PRKG1: variants seen among roughly 807,000 people sequenced by gnomAD.
PRKG1 encodes the protein protein kinase cGMP-dependent 1.
A neutral mutation model predicts 88.1 loss-of-function variants in PRKG1; 35 were observed. The ratio of observed to expected loss-of-function variants is 0.40; its 90% CI spans 0.30 to 0.53. The LOEUF (loss-of-function observed/expected upper bound fraction) is 0.53, where lower values mean the gene tolerates loss of function less well. Ranked by LOEUF, PRKG1 falls within the 20% of genes least tolerant of loss-of-function variation. The probability of loss-of-function intolerance (pLI) is 0.59; values close to 1 mark genes in which losing one functional copy is unlikely to be tolerated. For synonymous variants in PRKG1, 303 were observed against 292.5 expected, an observed-to-expected ratio of 1.04 and a Z score of -0.37; for missense variants, 540 against 839.8, an observed-to-expected ratio of 0.64 and a Z score of 4.41.
intron 3 of PRKG1, among the ~76,000 whole-genome samples, chr10:51,519,644 G>C (rs1439081144): frequency 6.6e-6 from 1 of 152,042 alleles, no homozygotes; most frequent in Non-Finnish European, 1.5e-5. Flanking sequence ...TTATTAACTT[G>C]AATCCTGAGG....
chr10:51,536,269 T>G (rs369868937), intron 3 of PRKG1, among the ~76,000 whole-genome samples: 8 of 152,182 alleles, frequency 5.3e-5, no homozygotes, highest in East Asian at 3.9e-4. Flanking sequence ...ATTAAAAATT[T>G]TTGACTTACA....
At chr10:51,512,285 C>T (rs1589033447) in intron 3 of PRKG1, among the ~76,000 whole-genome samples, 1 of 146,146 alleles carries the variant, frequency 6.8e-6, no homozygotes, top group East Asian at 2.1e-4. Flanking sequence ...TGCTGGTGTG[C>T]TGCACCCATT....
chr10:51,171,174 G>T (rs531346879), intron 2 of PRKG1, among the ~76,000 whole-genome samples: 1 of 152,260 alleles, frequency 6.6e-6, no homozygotes, highest in African/African-American at 2.4e-5. Context: ...ATGACTCCAA[G>T]TTTTTGGCCT....
chr10:51,904,731 T>C (rs1433106098), intron 4 of PRKG1, among the ~76,000 whole-genome samples: 1 of 152,106 alleles, frequency 6.6e-6, no homozygotes, highest in African/African-American at 2.4e-5. Context: ...TAATTTGTAT[T>C]AGCAATAAAT....
intron 14 of PRKG1, among the ~76,000 whole-genome samples, chr10:52,286,010 AC>A (rs1842109351): frequency 6.6e-6 from 1 of 152,062 alleles, no homozygotes; most frequent in Non-Finnish European, 1.5e-5. Flanking sequence ...AGGAGAAAAA[AC>A]ATCTTTAATT....
intron 7 of PRKG1, among the ~76,000 whole-genome samples, chr10:52,082,687 A>G (rs1846808458): frequency 6.6e-6 from 1 of 152,110 alleles, no homozygotes; most frequent in Non-Finnish European, 1.5e-5. Context: ...AAGCACACAC[A>G]TTCTTTTTTC....
chr10:52,014,296 G>A (rs542091162), intron 5 of PRKG1, among the ~76,000 whole-genome samples: 1 of 152,234 alleles, frequency 6.6e-6, no homozygotes, highest in East Asian at 1.9e-4. Context: ...TGAAGGGGAA[G>A]CAAGGTACAT....
chr10:52,229,974 C>T (rs867637517), intron 9 of PRKG1, among the ~76,000 whole-genome samples: 2 of 152,002 alleles, frequency 1.3e-5, no homozygotes, highest in African/African-American at 2.4e-5. Flanking sequence ...TCCTTTTATT[C>T]GCTGGTACCT....
At chr10:51,808,441 G>A (rs942524732) in intron 4 of PRKG1, among the ~76,000 whole-genome samples, 1 of 151,524 alleles carries the variant, frequency 6.6e-6, no homozygotes, top group Admixed American at 6.6e-5. Context: ...GCAAAAAATA[G>A]AAAAATAGAA....
rs1368429980 is a variant in PRKG1, at chr10:52,272,416, C to A, written c.1338C>A (p.Ser446Arg). The change falls in exon 12 of 18, where the codon AGC (serine) becomes AGA (arginine). Residue 446 changes from serine to arginine, a missense_variant. Physicochemically the swap from Ser to Arg is moderately radical, Grantham distance 110 (BLOSUM62 -1). Coordinates refer to ENST00000373980, the MANE Select transcript of PRKG1 (RefSeq NM_006258.4). ...GACTGTACAGAACATTTAAGGACAG[C>A]AAATATTTGTATATGTTGATGGAAG... The part of the protein sequence containing the change: ...IVRLYRTFKD[S>R]KYLYMLMEAC... 5.6e-6 allele frequency: 9 copies of A among 1,609,226 alleles called. No homozygotes were observed. In the East Asian group the frequency reaches 6.7e-5, roughly 12 times the overall value.
intron 4 of PRKG1, among the ~76,000 whole-genome samples, chr10:51,859,753 C>T (rs568642634): frequency 1.2e-4 from 19 of 152,268 alleles, no homozygotes; most frequent in Admixed American, 1.1e-3. Flanking sequence ...CCATACTGCC[C>T]ACCATGTATT....
chr10:51,250,428 A>C (rs10996328), intron 2 of PRKG1, among the ~76,000 whole-genome samples: 1 of 151,716 alleles, frequency 6.6e-6, no homozygotes, highest in African/African-American at 2.4e-5. Context: ...AGAATGATGG[A>C]ATAACCTGTC....
chr10:51,227,182 A>G (rs1337140353), intron 2 of PRKG1, among the ~76,000 whole-genome samples: 3 of 150,714 alleles, frequency 2.0e-5, no homozygotes, highest in East Asian at 1.9e-4. Context: ...ATATTTATAT[A>G]TATATATGTG....
At chr10:51,212,778 C>T (rs1303248882) in intron 2 of PRKG1, among the ~76,000 whole-genome samples, 2 of 152,178 alleles carry the variant, frequency 1.3e-5, no homozygotes, top group Non-Finnish European at 2.9e-5. Flanking sequence ...TACCATCTCA[C>T]ACCAGTTAGA....
At chr10:52,170,111 A>T (rs1589669225) in intron 9 of PRKG1, among the ~76,000 whole-genome samples, 1 of 152,336 alleles carries the variant, frequency 6.6e-6, no homozygotes, top group East Asian at 1.9e-4. Flanking sequence ...AAGAGGAATA[A>T]AAAGGTTTTC....
chr10:51,916,118 G>C (rs936110159), intron 5 of PRKG1, among the ~76,000 whole-genome samples: 1 of 152,166 alleles, frequency 6.6e-6, no homozygotes, highest in African/African-American at 2.4e-5. Flanking sequence ...CCCATCTTGA[G>C]TAGAAGCTGG....
At chr10:51,046,808 T>C (rs1411335649) in intron 1 of PRKG1, among the ~76,000 whole-genome samples, 2 of 152,230 alleles carry the variant, frequency 1.3e-5, no homozygotes, top group African/African-American at 4.8e-5. Flanking sequence ...TAAGAAGATT[T>C]GGAGAATATT....
intron 2 of PRKG1, among the ~76,000 whole-genome samples, chr10:51,370,658 G>A (rs1275065145): frequency 1.3e-5 from 2 of 151,550 alleles, no homozygotes; most frequent in Non-Finnish European, 2.9e-5. Context: ...ATTTTTAGAA[G>A]CCATATTAAA....
intron 3 of PRKG1, among the ~76,000 whole-genome samples, chr10:51,694,138 G>C (rs1216739664): frequency 2.6e-5 from 4 of 152,158 alleles, no homozygotes; most frequent in Non-Finnish European, 4.4e-5. Flanking sequence ...CTAATATAAA[G>C]CAGTGAGAGA....
Sources: gnomAD v4.1 joint callset for allele counts (sites outside exome capture counted in the v4.1 genomes callset) on GRCh38, gnomAD v4.1.1 for gene constraint, MANE v1.5 for transcripts, NCBI Gene and HGNC (gene_info 2026-07-23, HGNC 2026-07-21) for gene names.